HADHB: variants seen among roughly 807,000 people sequenced by gnomAD.
HADHB encodes trifunctional enzyme subunit beta, mitochondrial.
A neutral mutation model predicts 61.9 loss-of-function variants in HADHB; 50 were observed. The observed-to-expected ratio is 0.81, with a 90% confidence interval of 0.64 to 1.02. HADHB has a LOEUF of 1.02. HADHB is among the 50% of genes least tolerant of loss of function. HADHB has a pLI of 0.00. For synonymous variants in HADHB, 191 were observed against 201.6 expected, an observed-to-expected ratio of 0.95 and a Z score of 0.45; for missense variants, 504 against 586.5, an observed-to-expected ratio of 0.86 and a Z score of 1.45.
intron 4 of HADHB, among the ~76,000 whole-genome samples, chr2:26,268,247 A>C (rs1183661032): frequency 6.6e-6 from 1 of 152,250 alleles, no homozygotes; most frequent in Non-Finnish European, 1.5e-5. Context: ...AAATGCTAAG[A>C]AGAAACAGAA....
chr2:26,260,772 C>G (rs1574648225), intron 3 of HADHB: 8 of 520,720 alleles, frequency 1.5e-5, no homozygotes, highest in Non-Finnish European at 2.4e-5. Context: ...GCTCTAGGGG[C>G]CAGCTACTTT....
intron 1 of HADHB, among the ~76,000 whole-genome samples, chr2:26,247,550 A>G (rs1671215166): frequency 6.6e-6 from 1 of 152,202 alleles, no homozygotes; most frequent in African/African-American, 2.4e-5. Flanking sequence ...ATATTTATAT[A>G]AGATATTGAT....
intron 1 of HADHB, among the ~76,000 whole-genome samples, chr2:26,251,255 A>G (rs1297882630): frequency 1.3e-5 from 2 of 151,882 alleles, no homozygotes; most frequent in Non-Finnish European, 2.9e-5. Context: ...TAGCGTGATC[A>G]TGGCTCACTG....
chr2:26,287,913 T>G (rs533655629), intron 15 of HADHB, among the ~76,000 whole-genome samples: 2 of 152,248 alleles, frequency 1.3e-5, no homozygotes, highest in Admixed American at 1.3e-4. Context: ...TCTCCAGGTG[T>G]TGCCAAATCT....
Position 26,279,252 on chromosome 2 carries a change from A to G in HADHB, c.748A>G (p.Ser250Gly). Residue 250 changes from serine to glycine, a missense_variant, in exon 9 of 16, where the codon AGT becomes GGT. Ser to Gly is a moderately conservative substitution (Grantham distance 56). Transcript: ENST00000317799. ...EQDEYALRSH[S>G]LAKKAQDEGL... ...GGATGAATATGCACTGCGCTCTCAC[A>G]GTCTAGCCAAGAAGGCACAGGATGA... The G allele has an allele frequency of 6.2e-7, 1 of 1,613,536 alleles. No homozygotes were observed. Among genetic ancestry groups the G allele is most frequent in the Non-Finnish European group, 8.5e-7 (1 of 1,179,470 alleles).
At chr2:26,289,896 T>C in intron 15 of HADHB, 22 bp from the exon 16 acceptor site, 1 of 1,569,252 alleles carries the variant, frequency 6.4e-7, no homozygotes, top group Non-Finnish European at 8.8e-7. Context: ...ATTGCTCTAA[T>C]TGGACTTTGT....
chr2:26,263,914 C>A (rs1383127479), intron 4 of HADHB, among the ~76,000 whole-genome samples: 1 of 152,092 alleles, frequency 6.6e-6, no homozygotes, highest in East Asian at 1.9e-4. Flanking sequence ...CTGGTCCAAA[C>A]CCCCAGCATA....
chr2:26,286,804 C>T (rs1673050937), intron 15 of HADHB, among the ~76,000 whole-genome samples: 1 of 145,664 alleles, frequency 6.9e-6, no homozygotes, highest in African/African-American at 2.6e-5. Flanking sequence ...CTGTGCCTGG[C>T]CTGTTTTTGT....
At chr2:26,258,461 GA>G (rs912254998) in intron 3 of HADHB, among the ~76,000 whole-genome samples, 6 of 152,220 alleles carry the variant, frequency 3.9e-5, no homozygotes, top group Non-Finnish European at 7.3e-5. Flanking sequence ...TGGCCGCACA[GA>G]AACAATGGCG....
chr2:26,257,837 G>A (rs1157931476), intron 3 of HADHB, among the ~76,000 whole-genome samples: 7 of 151,952 alleles, frequency 4.6e-5, no homozygotes, highest in Non-Finnish European at 1.0e-4. Flanking sequence ...GGCAAACACA[G>A]TGAAACCCTG....
At chr2:26,245,809 C>G (rs1032496874) in intron 1 of HADHB, among the ~76,000 whole-genome samples, 4 of 152,178 alleles carry the variant, frequency 2.6e-5, no homozygotes, top group Admixed American at 6.5e-5. Context: ...ACCTTCATAC[C>G]TTTTTGTTTA....
At chr2:26,277,233 CTTTTTTTTTT>C (rs34696184) in intron 7 of HADHB, 73 bp downstream of exon 7, 5 of 438,916 alleles carry the variant, frequency 1.1e-5, no homozygotes, top group East Asian at 4.2e-5. Flanking sequence ...TAAAAATGTA[CTTTTTTTTTT>C]TTTTTTTTTT....
At chr2:26,285,663 A>T in intron 15 of HADHB, 92 bp downstream of exon 15, 1 of 905,788 alleles carries the variant, frequency 1.1e-6, no homozygotes, top group Non-Finnish European at 1.7e-6. Context: ...TCTTAAAGCA[A>T]TATTTTTGAT....
chr2:26,273,207 G>A (rs556551992), intron 5 of HADHB, among the ~76,000 whole-genome samples: 1 of 151,632 alleles, frequency 6.6e-6, no homozygotes, highest in African/African-American at 2.4e-5. Context: ...TCAATCATTT[G>A]TTGATACTGA....
Position 26,280,011 on chromosome 2 carries a change from A to C in HADHB, c.829A>C (p.Lys277Gln). Reference protein sequence around the residue: ...FKVPGKDTVTKDNGIRPSSLE... With the variant: ...FKVPGKDTVTQDNGIRPSSLE... ...TTTAATAGGAAAAGATACAGTTACC[A>C]AAGATAATGGCATCCGTCCTTCCTC... is the stretch of plus-strand genomic sequence containing the variant. Residue 277 changes from lysine to glutamine, a missense_variant, in exon 10 of 16, where the codon AAA becomes CAA. Lys to Gln is a moderately conservative substitution (Grantham distance 53, BLOSUM62 1). Coordinates refer to ENST00000317799, the MANE Select transcript of HADHB (RefSeq NM_000183.3). 1 of 1,609,494 alleles carries C rather than the reference A, an allele frequency of 6.2e-7. No homozygotes were observed. The highest frequency in any genetic ancestry group is 8.5e-7 in the Non-Finnish European group (1 of 1,177,272).
chr2:26,259,734 G>A (rs1312917539), intron 3 of HADHB, among the ~76,000 whole-genome samples: 4 of 152,240 alleles, frequency 2.6e-5, no homozygotes, highest in Non-Finnish European at 4.4e-5. Flanking sequence ...GGAATGGCCA[G>A]TGTGCCCTAG....
At chr2:26,269,577 A>T (rs1237089401) in intron 4 of HADHB, among the ~76,000 whole-genome samples, 1 of 152,228 alleles carries the variant, frequency 6.6e-6, no homozygotes, top group Non-Finnish European at 1.5e-5. Flanking sequence ...CATCACCTGT[A>T]GCCCTGTAGG....
At chr2:26,278,465 T>G in intron 7 of HADHB, 149 bp from the exon 8 acceptor site, 1 of 723,614 alleles carries the variant, frequency 1.4e-6, no homozygotes, top group Non-Finnish European at 2.4e-6. Context: ...GAAAATTACC[T>G]TAATTCTTCT....
At chr2:26,279,620 C>G (rs1672701364) in intron 9 of HADHB, among the ~76,000 whole-genome samples, 1 of 149,840 alleles carries the variant, frequency 6.7e-6, no homozygotes, top group Admixed American at 6.6e-5. Flanking sequence ...GAGACTTCAT[C>G]TCTAATTAAA....
Sources: gnomAD v4.1 joint callset for allele counts (sites outside exome capture counted in the v4.1 genomes callset) on GRCh38, gnomAD v4.1.1 for gene constraint, MANE v1.5 for transcripts, NCBI Gene and HGNC (gene_info 2026-07-23, HGNC 2026-07-21) for gene names.